PRKG1: variants seen among roughly 807,000 people sequenced by gnomAD.
PRKG1 encodes the protein protein kinase cGMP-dependent 1, also known as cGMP-dependent protein kinase 1.
Under a neutral mutation model 88.1 loss-of-function variants are expected in PRKG1, and 35 were observed. The ratio of observed to expected loss-of-function variants is 0.40; its 90% CI spans 0.30 to 0.53. The LOEUF (loss-of-function observed/expected upper bound fraction) is 0.53, where lower values mean the gene tolerates loss of function less well. PRKG1 is among the 20% of genes least tolerant of loss of function. PRKG1 has a pLI of 0.59. For synonymous variants in PRKG1, 303 were observed against 292.5 expected (o/e 1.04, Z -0.37); for missense variants, 540 against 839.8 (o/e 0.64, Z 4.41).
At chr10:51,991,815 A>C (rs1446827672) in intron 5 of PRKG1, among the ~76,000 whole-genome samples, 1 of 152,150 alleles carries the variant, frequency 6.6e-6, no homozygotes. Context: ...AGTCTTTGCT[A>C]TTGTATAGTG....
chr10:51,194,719 A>G (rs192835686), intron 2 of PRKG1, among the ~76,000 whole-genome samples: 5 of 152,224 alleles, frequency 3.3e-5, no homozygotes, highest in Admixed American at 3.3e-4. Context: ...GTAATTTATA[A>G]TAAACATAAA....
chr10:51,612,737 A>T (rs1296965261), intron 3 of PRKG1, among the ~76,000 whole-genome samples: 1 of 151,800 alleles, frequency 6.6e-6, no homozygotes, highest in Admixed American at 6.6e-5. Context: ...TTTCCCCATG[A>T]TGATGTTTGC....
intron 7 of PRKG1, chr10:52,081,516 G>A (rs1172833982): frequency 2.2e-6 from 1 of 448,612 alleles, no homozygotes; most frequent in African/African-American, 2.0e-5. Flanking sequence ...TTCAATTAAG[G>A]TAGGAATTCT....
intron 3 of PRKG1, chr10:51,696,703 A>C (rs1216104921): frequency 6.6e-6 from 1 of 151,912 alleles, no homozygotes; most frequent in Admixed American, 6.6e-5. Flanking sequence ...AATACAAGTT[A>C]ACTCCTGTCT....
At chr10:51,142,838 T>A (rs1160261171) in intron 1 of PRKG1, among the ~76,000 whole-genome samples, 1 of 152,074 alleles carries the variant, frequency 6.6e-6, no homozygotes, top group Non-Finnish European at 1.5e-5. Context: ...AAGCATAACA[T>A]TCTTCTAAAA....
intron 1 of PRKG1, among the ~76,000 whole-genome samples, chr10:51,014,767 A>C (rs1589107495): frequency 2.6e-5 from 4 of 152,198 alleles, no homozygotes; most frequent in Admixed American, 6.5e-5. Flanking sequence ...GTGTCAATTA[A>C]ATTTTTTAAA....
chr10:51,440,138 C>T (rs1267537295), intron 2 of PRKG1, among the ~76,000 whole-genome samples: 1 of 151,732 alleles, frequency 6.6e-6, no homozygotes, highest in Admixed American at 6.6e-5. Context: ...GTTCTTTTGA[C>T]GTTGAGTATG....
intron 2 of PRKG1, among the ~76,000 whole-genome samples, chr10:51,339,020 T>G (rs535924049): frequency 1.3e-5 from 2 of 152,316 alleles, no homozygotes; most frequent in South Asian, 4.1e-4. Flanking sequence ...CTGTCACATG[T>G]AAGTATTCAT....
At position 52,248,731 on chromosome 10, in the gene PRKG1, C is replaced by T. The variant is rs115747818; in HGVS notation, c.1077-2839C>T. Among the ~76,000 whole-genome samples, 871 of 152,124 alleles carry T rather than the reference C, an allele frequency of 5.7e-3. 8 individuals carry two copies. The highest frequency in any genetic ancestry group is 0.02 in the African/African-American group (825 of 41,490). On this transcript the variant is annotated intron_variant, in intron 9 of 17. Coordinates refer to ENST00000373980, the MANE Select transcript of PRKG1 (RefSeq NM_006258.4). Reference sequence around the variant, plus strand: ...CATTTAAGATGAAACTTAATATACTCATCCTATTAATTAAATACTATCAGT... The same window carrying T: ...CATTTAAGATGAAACTTAATATACTTATCCTATTAATTAAATACTATCAGT...
chr10:51,110,302 G>A (rs930641130), intron 1 of PRKG1, among the ~76,000 whole-genome samples: 55 of 152,080 alleles, frequency 3.6e-4, no homozygotes, highest in Non-Finnish European at 1.2e-4. Flanking sequence ...CAATGCAAAT[G>A]TCTATCAACA....
chr10:52,035,651 G>A (rs9651334), intron 5 of PRKG1, among the ~76,000 whole-genome samples: 8,958 of 152,226 alleles, frequency 0.059, 684 homozygotes, highest in East Asian at 0.44. Flanking sequence ...CCGGATTGAA[G>A]TCTGGGCCAG....
chr10:51,830,631 G>A (rs554910890), intron 4 of PRKG1, among the ~76,000 whole-genome samples: 9 of 142,638 alleles, frequency 6.3e-5, no homozygotes, highest in East Asian at 2.1e-4. Context: ...GCACAATCTC[G>A]GCTCACTGCA....
chr10:52,054,724 GA>G (rs1201726012), intron 6 of PRKG1, among the ~76,000 whole-genome samples, 163 bp downstream of exon 6: 2 of 151,820 alleles, frequency 1.3e-5, no homozygotes, highest in African/African-American at 2.4e-5. Context: ...ATGCAGGAGG[GA>G]AAAAAAGATG....
chr10:51,699,124 C>A (rs1841393043), intron 3 of PRKG1: 8 of 1,614,108 alleles, frequency 5.0e-6, no homozygotes, highest in Non-Finnish European at 6.8e-6. Flanking sequence ...GCTTCATCAG[C>A]TCAAACATCT....
chr10:52,218,263 G>C (rs1214310803), intron 9 of PRKG1, among the ~76,000 whole-genome samples: 2 of 150,916 alleles, frequency 1.3e-5, no homozygotes, highest in African/African-American at 4.9e-5. Context: ...GGTTTTGGGG[G>C]AGTGGGTAAA....
At chr10:51,293,723 G>T (rs1330945723) in intron 2 of PRKG1, among the ~76,000 whole-genome samples, 1 of 151,756 alleles carries the variant, frequency 6.6e-6, no homozygotes. Context: ...GATTTTTTTT[G>T]GGGTGGGGGA....
At chr10:51,086,732 G>A (rs12572997) in intron 1 of PRKG1, among the ~76,000 whole-genome samples, 2,917 of 152,210 alleles carry the variant, frequency 0.019, 92 homozygotes, top group East Asian at 0.15. Flanking sequence ...TTATCCTGAA[G>A]TGTAAAAGCA....
At chr10:52,101,157 A>G (rs1847284550) in intron 7 of PRKG1, among the ~76,000 whole-genome samples, 1 of 152,192 alleles carries the variant, frequency 6.6e-6, no homozygotes, top group Non-Finnish European at 1.5e-5. Context: ...CTTCTGAAAA[A>G]AAATCTGAAA....
At chr10:51,420,478 T>C (rs1275025651) in intron 2 of PRKG1, among the ~76,000 whole-genome samples, 1 of 152,094 alleles carries the variant, frequency 6.6e-6, no homozygotes, top group Non-Finnish European at 1.5e-5. Context: ...ACAGATCACC[T>C]GGGGTGCTTT....
Sources: allele counts gnomAD v4.1 joint callset (sites outside exome capture counted in the v4.1 genomes callset), GRCh38; gene constraint gnomAD v4.1.1; transcripts MANE v1.5; gene names NCBI Gene and HGNC (gene_info 2026-07-23, HGNC 2026-07-21).